DICER1: variants seen among roughly 807,000 people sequenced by gnomAD.
DICER1 encodes dicer 1, ribonuclease III.
A neutral mutation model predicts 194.1 loss-of-function variants in DICER1; 43 were observed. The observed-to-expected ratio is 0.22, with a 90% CI of 0.17 to 0.29. The LOEUF (loss-of-function observed/expected upper bound fraction) is 0.29, where lower values mean the gene tolerates loss of function less well. Among genes scored for constraint, DICER1 ranks in the 10% least tolerant of loss-of-function variants. DICER1 has a pLI of 1.00. For missense variants in DICER1, 1,608 were observed against 2,317.0 expected (o/e 0.69, Z 6.28); for synonymous variants, 832 against 820.5 (o/e 1.01, Z -0.24).
At chr14:95,108,211 C>T in intron 15 of DICER1, 113 bp downstream of exon 15, 1 of 1,304,566 alleles carries the variant, frequency 7.7e-7, no homozygotes, top group Non-Finnish European at 1.1e-6. Flanking sequence ...GCACCTCGAT[C>T]TTTAAATATT....
chr14:95,099,818 C>G lies in DICER1; in HGVS notation c.4168G>C (p.Asp1390His), dbSNP rs2139901367. ...WLPPGYVVNQ[D>H]KSNTDKWEKD... is the part of the protein sequence containing the mutation. ...TCCCATTTATCTGTGTTGCTTTTGT[C>G]TTGATTTACTACATAACCAGGAGGA... Residue 1390 changes from aspartate to histidine, a missense_variant, in exon 22 of 27, where the codon GAC (aspartate) becomes CAC (histidine). Around this residue, in one of 10 missense-constraint regions of DICER1, gnomAD observed 164 missense variants for 183.7 expected, o/e 0.89. Transcript: ENST00000343455. 6.2e-7 allele frequency: 1 copy of G among 1,613,304 alleles called. No homozygotes were observed. Among genetic ancestry groups the G allele is most frequent in the Non-Finnish European group, 8.5e-7 (1 of 1,179,864 alleles).
intron 11 of DICER1, 113 bp from the exon 12 acceptor site, chr14:95,113,337 A>G (rs867489248): frequency 9.6e-7 from 1 of 1,042,706 alleles, no homozygotes; most frequent in Non-Finnish European, 1.5e-6. Flanking sequence ...ATTTGTATTT[A>G]TATGTGGCAT....
intron 4 of DICER1, 45 bp from the exon 5 acceptor site, chr14:95,130,237 C>A: frequency 1.9e-6 from 3 of 1,577,008 alleles, no homozygotes; most frequent in Non-Finnish European, 2.6e-6. Flanking sequence ...CATTCACTGC[C>A]TGGATATACT....
intron 1 of DICER1, among the ~76,000 whole-genome samples, chr14:95,134,135 G>A (rs1894182730): frequency 6.6e-6 from 1 of 152,066 alleles, no homozygotes; most frequent in African/African-American, 2.4e-5. Flanking sequence ...AACAGCTCAC[G>A]AACACAGGCC....
chr14:95,113,650 C>A (rs987071972), intron 11 of DICER1, among the ~76,000 whole-genome samples: 32 of 152,172 alleles, frequency 2.1e-4, no homozygotes, highest in African/African-American at 7.5e-4. Context: ...ACTACCAGCA[C>A]ACATATAAGG....
chr14:95,093,767 A>C, intron 24 of DICER1, 121 bp downstream of exon 24: 1 of 1,077,684 alleles, frequency 9.3e-7, no homozygotes, highest in Non-Finnish European at 1.4e-6. Context: ...AACACAGCAC[A>C]CTGGGTCCCA....
chr14:95,128,659 G>A (rs1279137165), intron 6 of DICER1, among the ~76,000 whole-genome samples: 1 of 152,144 alleles, frequency 6.6e-6, no homozygotes, highest in Non-Finnish European at 1.5e-5. Context: ...CATTTTACAA[G>A]TTCAAGGAAA....
At position 95,086,641 on chromosome 14, in the gene DICER1, T is replaced by C; in HGVS notation, c.*3857A>G. On this transcript the variant is annotated 3_prime_UTR_variant, in exon 27 of 27. Transcript: ENST00000343455. ...TGATTAAAATATATTTACAAGTTAG[T>C]TGTGAAAAATCATTTTCACTGCTAG... 1 of 233,352 alleles carries C rather than the reference T, an allele frequency of 4.3e-6. No individual in the cohort carries two copies. The highest frequency in any genetic ancestry group is 8.5e-6 in the Non-Finnish European group (1 of 117,880). The allele number at this position is 233,352 out of a possible 1,614,324, so 14.5% of individuals were successfully genotyped here.
chr14:95,152,642 C>T (rs1895588664), intron 1 of DICER1, among the ~76,000 whole-genome samples: 1 of 152,316 alleles, frequency 6.6e-6, no homozygotes, highest in Non-Finnish European at 1.5e-5. Context: ...GTCTTACTGA[C>T]ATCCTCAGAG....
chr14:95,151,493 C>A (rs1391815398), intron 1 of DICER1, among the ~76,000 whole-genome samples: 4 of 152,094 alleles, frequency 2.6e-5, no homozygotes, highest in Non-Finnish European at 4.4e-5. Context: ...TTAAGAAACT[C>A]CTTTTTTTTC....
Position 95,096,096 on chromosome 14 carries a change from C to T in DICER1, c.4824G>A (p.Glu1608=), listed in dbSNP as rs1377442723. ...GGTTCTTTTGTTGGCTGTTGAAATT[C>T]TCCCGAGTAGGGCACAGGGCCTTTT... ...DREKALCPTR[E]NFNSQQKNLS... is the part of the protein sequence containing the mutation. Residue 1608 remains glutamate (E), a synonymous_variant, in exon 23 of 27, where the codon GAG becomes GAA. Coordinates refer to ENST00000343455, the MANE Select transcript of DICER1 (RefSeq NM_177438.3). 1.2e-6 allele frequency: 2 copies of T among 1,614,082 alleles called. No homozygotes were observed. The highest frequency in any genetic ancestry group is 1.7e-6 in the Non-Finnish European group (2 of 1,180,044).
chr14:95,151,885 C>T (rs547028997), intron 1 of DICER1, among the ~76,000 whole-genome samples: 2 of 152,306 alleles, frequency 1.3e-5, no homozygotes, highest in African/African-American at 4.8e-5. Flanking sequence ...CTAAATACGA[C>T]TAAATACGAC....
chr14:95,105,894 A>ACC lies in DICER1; in HGVS notation c.2988-113_2988-112dup, dbSNP rs1891377029. Reference sequence around the variant, plus strand: ...CATTTCAACTACAGCCTCTTGGGCTACCCCTTGGGCAAGTTTGTGTGCAAA... The same window carrying ACC: ...CATTTCAACTACAGCCTCTTGGGCTACCCCCCTTGGGCAAGTTTGTGTGCAAA... On this transcript the variant is annotated intron_variant, in intron 18 of 26. Transcript: ENST00000343455. This position sits in a 1 kb window ranked among gnomAD's most constrained non-coding sequence, Gnocchi z 4.9. 5 of 1,389,354 alleles carry ACC rather than the reference A, an allele frequency of 3.6e-6. No homozygotes were observed. In the Admixed American group the frequency reaches 8.4e-5, roughly 23 times the overall value. The allele number at this position is 1,389,354 out of a possible 1,614,324, so 86.1% of individuals were successfully genotyped here. A position where few individuals can be genotyped will look rare whatever the true frequency, so the allele number is the denominator to read the frequency against.
Position 95,099,764 on chromosome 14 carries a change from ACACAC to A in DICER1, c.4206+11_4206+15del, listed in dbSNP as rs762996398. On this transcript the variant is annotated intron_variant, in intron 22 of 26. Transcript: ENST00000343455. ...CACACACACACACACACACACACAC[ACACAC>A]ACAAACTTACCATTTCATCTTTTTC... 44 of 1,241,306 alleles carry A rather than the reference ACACAC, an allele frequency of 3.5e-5. 1 individual carries two copies. Among genetic ancestry groups the A allele is most frequent in the Admixed American group, 1.2e-4 (5 of 41,388 alleles). The allele number at this position is 1,241,306 out of a possible 1,614,324, so 76.9% of individuals were successfully genotyped here.
intron 1 of DICER1, among the ~76,000 whole-genome samples, chr14:95,155,541 C>G (rs1315582732): frequency 2.6e-5 from 4 of 152,262 alleles, no homozygotes; most frequent in East Asian, 3.9e-4. Flanking sequence ...TCAATAATAG[C>G]AAAACAACCT....
At position 95,116,058 on chromosome 14, in the gene DICER1, G is replaced by GACACACAC. The variant is rs150390018; in HGVS notation, c.1753-245_1753-238dup. Among the ~76,000 whole-genome samples the GACACACAC allele has an allele frequency of 3.6e-3, 521 of 143,030 alleles. 3 individuals are homozygous for GACACACAC. Among genetic ancestry groups the GACACACAC allele is most frequent in the Non-Finnish European group, 6.1e-3 (390 of 64,190 alleles). The allele number at this position is 143,030 out of a possible 152,430, so 93.8% of individuals were successfully genotyped here. A position where few individuals can be genotyped will look rare whatever the true frequency, so the allele number is the denominator to read the frequency against. On this transcript the variant is annotated intron_variant, in intron 10 of 26. Transcript: ENST00000343455. ...GTCTATACTGTACCGTGCCTACACAGACACACACACACACACACACACACA... is the reference window on the plus strand; with the variant it reads ...GTCTATACTGTACCGTGCCTACACAGACACACACACACACACACACACACACACACACA...
In DICER1 at chr14:95,111,271, A is replaced by G. The variant is rs771888310; in HGVS notation, c.2256+46T>C. Reference sequence around the variant, plus strand: ...ACTGAGATTTGATGTAGCGGAAAACAAAGTCAGAAATGCTAGGTTTTTACT... The same window carrying G: ...ACTGAGATTTGATGTAGCGGAAAACGAAGTCAGAAATGCTAGGTTTTTACT... On this transcript the variant is annotated intron_variant, in intron 14 of 26. Coordinates refer to ENST00000343455, the MANE Select transcript of DICER1 (RefSeq NM_177438.3). The G allele has an allele frequency of 2.1e-5, 34 of 1,613,142 alleles. No homozygotes were observed. In the South Asian group the frequency reaches 3.4e-4, roughly 16 times the overall value.
intron 3 of DICER1, among the ~76,000 whole-genome samples, 192 bp downstream of exon 3, chr14:95,132,323 C>T (rs956913894): frequency 1.3e-5 from 2 of 152,120 alleles, no homozygotes; most frequent in Admixed American, 6.5e-5. Flanking sequence ...AAAAGAAATA[C>T]AGAAGCAGAA....
chr14:95,121,922 T>C (rs1303150844), intron 8 of DICER1, among the ~76,000 whole-genome samples: 3 of 152,140 alleles, frequency 2.0e-5, no homozygotes, highest in Admixed American at 6.5e-5. Flanking sequence ...AGTAGAAAAC[T>C]GCATGTATAT....
Sources: gnomAD v4.1 joint callset for allele counts (sites outside exome capture counted in the v4.1 genomes callset) on GRCh38, gnomAD v4.1.1 for gene constraint, gnomAD v4.1.1 regional missense constraint, Gnocchi (gnomAD v3.1) non-coding constraint, MANE v1.5 for transcripts, NCBI Gene and HGNC (gene_info 2026-07-23, HGNC 2026-07-21) for gene names.